The following SLC7A2 variants were observed in gnomAD, a reference collection of about 807,000 sequenced individuals.
SLC7A2 encodes cationic amino acid transporter 2.
Under a neutral mutation model 58.9 loss-of-function variants are expected in SLC7A2, and 48 were observed. The observed-to-expected ratio is 0.82, with a 90% confidence interval of 0.65 to 1.04. SLC7A2 has a LOEUF of 1.04. SLC7A2 is among the 50% of genes least tolerant of loss of function. The pLI is 0.00. For missense variants in SLC7A2, 1,029 were observed against 818.8 expected (o/e 1.26, Z -3.13); for synonymous variants, 363 against 314.5 (o/e 1.15, Z -1.63).
intron 2 of SLC7A2, among the ~76,000 whole-genome samples, chr8:17,502,896 G>C (rs990532771): frequency 6.6e-6 from 1 of 151,956 alleles, no homozygotes; most frequent in African/African-American, 2.4e-5. Context: ...TGGGTTGGGT[G>C]CTGGGTGCAT....
intron 2 of SLC7A2, among the ~76,000 whole-genome samples, chr8:17,515,443 A>G (rs1001665634): frequency 7.9e-5 from 12 of 152,000 alleles, no homozygotes; most frequent in African/African-American, 2.9e-4. Context: ...TTACAGGCAC[A>G]TGCCACCACA....
chr8:17,555,326 G>T (rs973650642), intron 8 of SLC7A2, among the ~76,000 whole-genome samples: 1 of 151,276 alleles, frequency 6.6e-6, no homozygotes, highest in Non-Finnish European at 1.5e-5. Flanking sequence ...TTAATCTTTT[G>T]GGCTCTAACA....
rs146172507 is a variant in SLC7A2, at chr8:17,517,365, G to A, written c.-23+15063G>A. Among the ~76,000 whole-genome samples the A allele has an allele frequency of 6.6e-5, 10 of 152,324 alleles. No individual in the cohort carries two copies. In the East Asian group the frequency reaches 1.7e-3, roughly 26 times the overall value. On this transcript the variant is annotated intron_variant, in intron 2 of 12. Coordinates refer to ENST00000494857, the MANE Select transcript of SLC7A2 (RefSeq NM_001370338.1). ...AAATGTGTTTTGAATTCAAGAATAT[G>A]AAGAGAATCAAGAATATTAGAGATT...
chr8:17,495,201 C>G (rs960878611), upstream of SLC7A2, among the ~76,000 whole-genome samples: 1 of 152,160 alleles, frequency 6.6e-6, no homozygotes, highest in African/African-American at 2.4e-5. Flanking sequence ...CTCGCCTCCT[C>G]GAGTGCCAGG....
chr8:17,514,560 T>G (rs985430495), intron 2 of SLC7A2, among the ~76,000 whole-genome samples: 2 of 152,060 alleles, frequency 1.3e-5, no homozygotes, highest in Non-Finnish European at 2.9e-5. Flanking sequence ...CTTAAAAATG[T>G]AAGTTGTTCA....
Position 17,563,724 on chromosome 8 carries a change from A to G in SLC7A2, c.1780+13A>G. The stretch of plus-strand genomic sequence containing the variant: ...TGGATGGCAATTGGTAGGTCTTTTA[A>G]TGTCGGGTTCTCTTTCCTATTTCAT... On this transcript the variant is annotated intron_variant, in intron 12 of 12. Transcript: ENST00000494857. 3.5e-6 allele frequency: 5 copies of G among 1,447,996 alleles called. No homozygotes were observed. Among genetic ancestry groups the G allele is most frequent in the African/African-American group, 2.8e-5 (2 of 71,620 alleles). 89.7% of individuals were successfully genotyped at this position (1,447,996 alleles called of 1,614,324 possible).
At chr8:17,517,205 A>G (rs775684917) in intron 2 of SLC7A2, among the ~76,000 whole-genome samples, 5 of 152,216 alleles carry the variant, frequency 3.3e-5, no homozygotes, top group Non-Finnish European at 7.3e-5. Context: ...CTAGGCACAA[A>G]ATGAGACCAA....
upstream of SLC7A2, among the ~76,000 whole-genome samples, chr8:17,494,563 G>T (rs922485363): frequency 6.6e-6 from 1 of 152,278 alleles, no homozygotes; most frequent in Non-Finnish European, 1.5e-5. Flanking sequence ...AAGAGAAAAT[G>T]CAAATGAAGA....
At chr8:17,558,735 A>C (rs1802825365) in intron 9 of SLC7A2, among the ~76,000 whole-genome samples, 1 of 152,222 alleles carries the variant, frequency 6.6e-6, no homozygotes, top group African/African-American at 2.4e-5. Context: ...ACACAGATGT[A>C]TGTAAAGGAT....
intron 6 of SLC7A2, among the ~76,000 whole-genome samples, chr8:17,550,870 A>T (rs1005099577): frequency 2.0e-5 from 3 of 152,196 alleles, no homozygotes; most frequent in Non-Finnish European, 4.4e-5. Flanking sequence ...ATCTTATACA[A>T]CATCATAATC....
rs1374253956 is a variant in SLC7A2 at position 17,510,863 on chromosome 8, G to C, written c.-23+8561G>C. On this transcript the variant is annotated intron_variant, in intron 2 of 12. Coordinates refer to ENST00000494857, the MANE Select transcript of SLC7A2 (RefSeq NM_001370338.1). ...CATGGAACCAACCCAATGCTCATCA[G>C]TGAGAGACTGTATAAAGAAAATGTG... 3 of 152,168 alleles carry C rather than the reference G, an allele frequency of 2.0e-5. No individual in the cohort carries two copies. The East Asian group carries it at 5.8e-4, about 29-fold the overall frequency. 9.4% of individuals were successfully genotyped at this position (152,168 alleles called of 1,614,324 possible).
intron 3 of SLC7A2, 113 bp downstream of exon 3, chr8:17,543,828 C>G: frequency 1.1e-6 from 1 of 946,210 alleles, no homozygotes; most frequent in Non-Finnish European, 1.5e-6. Context: ...GTCTGTGTGT[C>G]TCATTTTTGT....
Position 17,554,705 on chromosome 8 carries a change from A to C in SLC7A2, c.1195+6A>C. 1 of 1,605,042 alleles carries C rather than the reference A, an allele frequency of 6.2e-7. No individual in the cohort carries two copies. The highest frequency in any genetic ancestry group is 1.1e-5 in the South Asian group (1 of 88,928). On this transcript the variant is annotated splice_donor_region_variant and intron_variant, in intron 8 of 12. Transcript: ENST00000494857. ...ATCATCGGGTGCAGTGGCAGGTGAG[A>C]GAGAGTTGACTTTTCTTCAGAAACG...
intron 2 of SLC7A2, among the ~76,000 whole-genome samples, chr8:17,533,782 A>G (rs1432681730): frequency 6.6e-6 from 1 of 152,218 alleles, no homozygotes; most frequent in Non-Finnish European, 1.5e-5. Flanking sequence ...AAGTTCCAGA[A>G]TACATGTGCA....
chr8:17,549,143 A>G (rs2517254), intron 5 of SLC7A2, among the ~76,000 whole-genome samples: 111,570 of 152,048 alleles, frequency 0.73, 41,291 homozygotes, highest in East Asian at 0.91. Context: ...AGAACAGCAC[A>G]GGAAAGACCT....
chr8:17,544,673 T>C, intron 4 of SLC7A2, 67 bp downstream of exon 4: 2 of 1,450,770 alleles, frequency 1.4e-6, no homozygotes, highest in Non-Finnish European at 1.9e-6. Context: ...AATAGGTTAC[T>C]TCTGAATTTG....
chr8:17,544,697 C>A, intron 4 of SLC7A2, 91 bp downstream of exon 4: 2 of 1,094,250 alleles, frequency 1.8e-6, no homozygotes, highest in Non-Finnish European at 2.7e-6. Context: ...CCTGAGTTCC[C>A]AAGATGAGAT....
chr8:17,548,621 A>C (rs1802289637), intron 4 of SLC7A2, 57 bp from the exon 5 acceptor site: 1 of 1,336,488 alleles, frequency 7.5e-7, no homozygotes, highest in Non-Finnish European at 1.1e-6. Flanking sequence ...TATTTGCCTC[A>C]AAATGCTATT....
chr8:17,496,969 C>T (rs1253602438), upstream of SLC7A2: 1 of 151,064 alleles, frequency 6.6e-6, no homozygotes. Flanking sequence ...GCGGCCGGGG[C>T]CCGGCGGGAG....
Sources: allele counts gnomAD v4.1 joint callset (sites outside exome capture counted in the v4.1 genomes callset), GRCh38; gene constraint gnomAD v4.1.1; transcripts MANE v1.5; gene names NCBI Gene and HGNC (gene_info 2026-07-23, HGNC 2026-07-21).